Variants in SPAM1 observed in about 807,000 individuals in gnomAD.
The protein encoded by SPAM1 is hyaluronidase PH-20.
Under a neutral mutation model 29.6 loss-of-function variants are expected in SPAM1, and 22 were observed. The ratio of observed to expected loss-of-function variants is 0.74; its 90% CI spans 0.53 to 1.06. The LOEUF (loss-of-function observed/expected upper bound fraction) is 1.06. Among genes scored for constraint, SPAM1 ranks in the 50% least tolerant of loss-of-function variants. The pLI is 0.00. For synonymous variants in SPAM1, 194 were observed against 204.6 expected (o/e 0.95, Z 0.44); for missense variants, 534 against 604.0 (o/e 0.88, Z 1.21).
At chr7:123,956,515 A>G (rs1384699710) in intron 4 of SPAM1, among the ~76,000 whole-genome samples, 5 of 152,004 alleles carry the variant, frequency 3.3e-5, no homozygotes, top group South Asian at 2.1e-4. Context: ...CCATTTTATT[A>G]TATCTGGTGG....
At chr7:123,938,460 G>A (rs556977274) in intron 1 of SPAM1, among the ~76,000 whole-genome samples, 18 of 152,236 alleles carry the variant, frequency 1.2e-4, no homozygotes, top group Non-Finnish European at 2.4e-4. Flanking sequence ...ATAGATAAGA[G>A]GAAACATACT....
intron 5 of SPAM1, among the ~76,000 whole-genome samples, chr7:123,967,422 A>G (rs1349621208): frequency 6.6e-6 from 1 of 152,088 alleles, no homozygotes; most frequent in Non-Finnish European, 1.5e-5. Flanking sequence ...TTTTTCTACA[A>G]GTAAATTAAT....
intron 1 of SPAM1, among the ~76,000 whole-genome samples, chr7:123,949,195 C>A (rs149612767): frequency 6.6e-6 from 1 of 152,220 alleles, no homozygotes; most frequent in East Asian, 1.9e-4. Flanking sequence ...TGTCTTTCCT[C>A]ACTGAAGGGA....
chr7:123,930,547 T>A (rs561138049), intron 1 of SPAM1, among the ~76,000 whole-genome samples: 4 of 152,274 alleles, frequency 2.6e-5, no homozygotes, highest in African/African-American at 9.6e-5. Context: ...AGAATAATGA[T>A]TGTGAAAATT....
chr7:123,957,984 C>T (rs1792282918), intron 4 of SPAM1, among the ~76,000 whole-genome samples: 1 of 151,938 alleles, frequency 6.6e-6, no homozygotes, highest in African/African-American at 2.4e-5. Flanking sequence ...ACATTGAGTC[C>T]ATCTTGATAA....
At chr7:123,938,733 G>A (rs1414034746) in intron 1 of SPAM1, among the ~76,000 whole-genome samples, 1 of 152,174 alleles carries the variant, frequency 6.6e-6, no homozygotes, top group Non-Finnish European at 1.5e-5. Context: ...AGAAACACTG[G>A]TTATTGCTAA....
At chr7:123,940,563 A>C (rs1808398671) in intron 1 of SPAM1, among the ~76,000 whole-genome samples, 1 of 151,364 alleles carries the variant, frequency 6.6e-6, no homozygotes, top group Admixed American at 6.6e-5. Context: ...GTCACAGCTC[A>C]CTGCAGCTTT....
At chr7:123,937,415 C>CA (rs1808281508) in intron 1 of SPAM1, among the ~76,000 whole-genome samples, 1 of 151,892 alleles carries the variant, frequency 6.6e-6, no homozygotes, top group Non-Finnish European at 1.5e-5. Flanking sequence ...TCCTGGATAA[C>CA]ATGGTGAAAT....
At chr7:123,970,794 TTC>T (rs1792488849) in intron 6 of SPAM1, among the ~76,000 whole-genome samples, 1 of 151,996 alleles carries the variant, frequency 6.6e-6, no homozygotes, top group Non-Finnish European at 1.5e-5. Context: ...ACATATTCTA[TTC>T]CATAATTTTG....
At chr7:123,961,914 T>G (rs1255412534), downstream of SPAM1, among the ~76,000 whole-genome samples, 1 of 151,864 alleles carries the variant, frequency 6.6e-6, no homozygotes, top group Non-Finnish European at 1.5e-5. Context: ...CATCAGGTCT[T>G]GAGAGACTTA....
chr7:123,926,724 G>C (rs1008832156), intron 1 of SPAM1, among the ~76,000 whole-genome samples: 1 of 152,156 alleles, frequency 6.6e-6, no homozygotes. Flanking sequence ...TTATAGATAA[G>C]TTTAAAGATT....
chr7:123,966,253 T>C (rs1303572100), intron 5 of SPAM1, among the ~76,000 whole-genome samples: 2 of 151,962 alleles, frequency 1.3e-5, no homozygotes, highest in South Asian at 2.1e-4. Flanking sequence ...TGGCAATTAT[T>C]AAAAAGTCAA....
intron 5 of SPAM1, among the ~76,000 whole-genome samples, chr7:123,968,545 G>C (rs1039752308): frequency 6.6e-6 from 1 of 151,984 alleles, no homozygotes; most frequent in African/African-American, 2.4e-5. Context: ...GCAGGTTTGG[G>C]GGATTAGGTT....
rs1792331404 is a variant in SPAM1, at chr7:123,959,850, C to T, written c.1411C>T (p.Pro471Ser). 2 of 1,613,130 alleles carry T rather than the reference C, an allele frequency of 1.2e-6. No homozygotes were observed. Among genetic ancestry groups the T allele is most frequent in the Non-Finnish European group, 1.7e-6 (2 of 1,179,506 alleles). Reference sequence around the variant, plus strand: ...TGTCTGTATAGATGCTTTTCTAAAACCTCCCATGGAGACAGAAGAACCTCA... The same window carrying T: ...TGTCTGTATAGATGCTTTTCTAAAATCTCCCATGGAGACAGAAGAACCTCA... ...DGVCIDAFLK[P>S]PMETEEPQIF... is the part of the protein sequence containing the mutation. The change falls in exon 5 of 5, where the codon CCT becomes TCT. Residue 471 changes from proline (P) to serine (S), a missense_variant. Pro to Ser is a moderately conservative substitution (Grantham distance 74). Coordinates refer to ENST00000682466, the MANE Select transcript of SPAM1 (RefSeq NM_153189.3).
intron 3 of SPAM1, 96 bp downstream of exon 3, chr7:123,954,620 T>G: frequency 1.2e-6 from 1 of 816,650 alleles, no homozygotes; most frequent in Non-Finnish European, 1.9e-6. Context: ...AATCTAGCTT[T>G]TAATATTAGT....
intron 6 of SPAM1, among the ~76,000 whole-genome samples, chr7:123,970,853 C>T (rs2117083891): frequency 6.6e-6 from 1 of 152,146 alleles, no homozygotes; most frequent in African/African-American, 2.4e-5. Flanking sequence ...TCCTCCCAGT[C>T]TGGTATTCCT....
intron 4 of SPAM1, 72 bp downstream of exon 4, chr7:123,955,158 A>C: frequency 1.0e-6 from 1 of 1,003,840 alleles, no homozygotes; most frequent in Non-Finnish European, 1.6e-6. Context: ...TTTTGGTATT[A>C]AATAAGAAAA....
intron 1 of SPAM1, among the ~76,000 whole-genome samples, chr7:123,937,126 T>G (rs1452960845): frequency 6.6e-6 from 1 of 152,228 alleles, no homozygotes; most frequent in Non-Finnish European, 1.5e-5. Context: ...ATACCCCTAA[T>G]CTAATTGCAT....
At chr7:123,957,598 T>C (rs1235437778) in intron 4 of SPAM1, among the ~76,000 whole-genome samples, 1 of 152,002 alleles carries the variant, frequency 6.6e-6, no homozygotes, top group African/African-American at 2.4e-5. Context: ...ACTTAGTGGG[T>C]TAAAAAAACA....
Sources: gnomAD v4.1 joint callset for allele counts (sites outside exome capture counted in the v4.1 genomes callset) on GRCh38, gnomAD v4.1.1 for gene constraint, MANE v1.5 for transcripts, NCBI Gene and HGNC (gene_info 2026-07-23, HGNC 2026-07-21) for gene names.